The following ERO1B variants were observed in gnomAD, a reference collection of about 807,000 sequenced individuals.
ERO1B encodes endoplasmic reticulum oxidoreductase 1 beta.
A neutral mutation model predicts 75.3 loss-of-function variants in ERO1B; 49 were observed. The ratio of observed to expected loss-of-function variants is 0.65; its 90% CI spans 0.52 to 0.83. The LOEUF is 0.83. Ranked by LOEUF, ERO1B falls within the 40% of genes least tolerant of loss-of-function variation. ERO1B has a pLI of 0.00. For synonymous variants in ERO1B, 191 were observed against 192.9 expected (o/e 0.99, Z 0.08); for missense variants, 512 against 560.1 (o/e 0.91, Z 0.87).
intron 1 of ERO1B, among the ~76,000 whole-genome samples, chr1:236,281,055 C>T (rs561321663): frequency 6.6e-6 from 1 of 152,278 alleles, no homozygotes; most frequent in East Asian, 1.9e-4. Flanking sequence ...CCACTCAGAC[C>T]CCCCCAGTCT....
intron 4 of ERO1B, chr1:236,251,532 T>A: frequency 3.5e-6 from 3 of 862,788 alleles, no homozygotes; most frequent in Non-Finnish European, 4.2e-6. Context: ...AGAGAGAGGG[T>A]ATGATGATCT....
chr1:236,244,118 T>G (rs1347542089), intron 5 of ERO1B, among the ~76,000 whole-genome samples: 2 of 152,168 alleles, frequency 1.3e-5, no homozygotes, highest in Admixed American at 1.3e-4. Context: ...TACATTAACT[T>G]GAACCTATAT....
intron 2 of ERO1B, among the ~76,000 whole-genome samples, chr1:236,268,618 G>T (rs1665511486): frequency 6.6e-6 from 1 of 152,176 alleles, no homozygotes; most frequent in South Asian, 2.1e-4. Context: ...CGGGCGCGGT[G>T]GCTCACGCCT....
chr1:236,215,415 G>GC lies in ERO1B; in HGVS notation c.*3100dup, dbSNP rs1248638275. The GC allele has an allele frequency of 1.3e-5, 2 of 152,108 alleles. No homozygotes were observed. Among genetic ancestry groups the GC allele is most frequent in the Non-Finnish European group, 2.9e-5 (2 of 68,024 alleles). The allele number at this position is 152,108 out of a possible 1,614,324, so 9.4% of individuals were successfully genotyped here. A position where few individuals can be genotyped will look rare whatever the true frequency, so the allele number is the denominator to read the frequency against. ...TGTAAAAGCCCTTAATACAATGCCA[G>GC]CCAATGCTTGCCATTATGATAAGAA... On this transcript the variant is annotated 3_prime_UTR_variant, in exon 16 of 16. Transcript: ENST00000354619.
At chr1:236,268,504 G>T (rs1222581015) in intron 2 of ERO1B, among the ~76,000 whole-genome samples, 2 of 152,128 alleles carry the variant, frequency 1.3e-5, no homozygotes, top group Non-Finnish European at 2.9e-5. Context: ...CACATGGATA[G>T]ATAGATAGAT....
At chr1:236,272,146 A>G (rs537139892) in intron 1 of ERO1B, among the ~76,000 whole-genome samples, 1 of 152,332 alleles carries the variant, frequency 6.6e-6, no homozygotes, top group African/African-American at 2.4e-5. Flanking sequence ...AACAATATGG[A>G]GATTTATCAA....
intron 9 of ERO1B, among the ~76,000 whole-genome samples, chr1:236,230,944 G>C (rs1345248470): frequency 2.7e-5 from 4 of 149,696 alleles, no homozygotes; most frequent in Non-Finnish European, 5.9e-5. Flanking sequence ...AAAAAAAAAA[G>C]TATATAAATC....
chr1:236,225,223 T>A (rs1204904037), intron 12 of ERO1B, 84 bp from the exon 13 acceptor site: 11 of 1,267,110 alleles, frequency 8.7e-6, no homozygotes, highest in Non-Finnish European at 1.2e-5. Flanking sequence ...TTTTCTATCC[T>A]TATGAATATT....
chr1:236,270,050 T>A, intron 1 of ERO1B, 56 bp from the exon 2 acceptor site: 1 of 1,201,594 alleles, frequency 8.3e-7, no homozygotes, highest in Non-Finnish European at 1.2e-6. Context: ...CCTTAACAAA[T>A]CTACACTATT....
chr1:236,239,851 G>GTATATA (rs1192575122), intron 6 of ERO1B, among the ~76,000 whole-genome samples: 2 of 61,044 alleles, frequency 3.3e-5, no homozygotes, highest in African/African-American at 1.7e-4. Flanking sequence ...ATATATATGT[G>GTATATA]TATATATGTA....
intron 9 of ERO1B, 99 bp downstream of exon 9, chr1:236,232,729 G>A (rs969721516): frequency 1.1e-5 from 12 of 1,053,364 alleles, no homozygotes; most frequent in Non-Finnish European, 1.6e-5. Flanking sequence ...TAGAAAACAG[G>A]AATACTTTCT....
rs1373000256 is a variant in ERO1B, at chr1:236,281,803, G to A, written c.-20C>T. 1 of 1,411,784 alleles carries A rather than the reference G, an allele frequency of 7.1e-7. No homozygotes were observed. Among genetic ancestry groups the A allele is most frequent in the Non-Finnish European group, 9.3e-7 (1 of 1,073,512 alleles). 87.5% of individuals were successfully genotyped at this position (1,411,784 alleles called of 1,614,324 possible). On this transcript the variant is annotated 5_prime_UTR_variant, in exon 1 of 16. Transcript: ENST00000354619. ...GCTCATGCTGACCTCTACCCACACC[G>A]CGGCCAGCCGGACCCCTCGGGGCCG... is the stretch of plus-strand genomic sequence containing the variant.
At chr1:236,250,043 A>T in intron 4 of ERO1B, 76 bp from the exon 5 acceptor site, 4 of 926,766 alleles carry the variant, frequency 4.3e-6, no homozygotes, top group Non-Finnish European at 6.5e-6. Flanking sequence ...AGAATAATCA[A>T]TCTGTCAACA....
intron 8 of ERO1B, 129 bp downstream of exon 8, chr1:236,235,660 C>A: frequency 1.3e-6 from 1 of 789,552 alleles, no homozygotes; most frequent in Non-Finnish European, 2.0e-6. Flanking sequence ...ATGAACTAAT[C>A]TTACACTTTT....
chr1:236,240,382 C>T (rs557841250), intron 6 of ERO1B, among the ~76,000 whole-genome samples: 3 of 152,126 alleles, frequency 2.0e-5, no homozygotes, highest in East Asian at 1.9e-4. Context: ...CTCTTTGCTA[C>T]GGTCACAGAT....
intron 13 of ERO1B, among the ~76,000 whole-genome samples, chr1:236,222,309 C>T (rs2477588): frequency 0.47 from 71,184 of 151,732 alleles, 17,390 homozygotes; most frequent in East Asian, 0.88. Flanking sequence ...GACGGGGTTT[C>T]GCCATGTTGT....
intron 1 of ERO1B, among the ~76,000 whole-genome samples, chr1:236,279,843 C>CAAAAAAAAAAAAAAAAAAA: frequency 7.4e-6 from 1 of 135,288 alleles, no homozygotes; most frequent in Non-Finnish European, 1.6e-5. Context: ...GACACTATCT[C>CAAAAAAAAAAAAAAAAAAA]AAAAAAAAAA....
Position 236,281,730 on chromosome 1 carries a change from C to T in ERO1B, c.54G>A (p.Val18=), listed in dbSNP as rs1665835792. The T allele has an allele frequency of 1.3e-6, 2 of 1,517,264 alleles. No individual in the cohort carries two copies. Among genetic ancestry groups the T allele is most frequent in the Non-Finnish European group, 1.8e-6 (2 of 1,135,992 alleles). 94.0% of individuals were successfully genotyped at this position (1,517,264 alleles called of 1,614,324 possible). The part of the protein sequence containing the change: ...AGAGQGVAAA[V]QLLVTLSFLR... Reference sequence around the variant, plus strand: ...GGAAGCTCAGGGTGACCAGCAGCTGCACCGCGGCCGCTACCCCCTGCCCAG... The same window carrying T: ...GGAAGCTCAGGGTGACCAGCAGCTGTACCGCGGCCGCTACCCCCTGCCCAG... The change falls in exon 1 of 16, where the codon GTG becomes GTA. Residue 18 remains valine, a synonymous_variant. Transcript: ENST00000354619.
chr1:236,229,633 G>C (rs1276180084), intron 10 of ERO1B, among the ~76,000 whole-genome samples: 1 of 151,982 alleles, frequency 6.6e-6, no homozygotes, highest in Non-Finnish European at 1.5e-5. Flanking sequence ...ATTTTTAAAA[G>C]CATCATATAT....
Sources: allele counts gnomAD v4.1 joint callset (sites outside exome capture counted in the v4.1 genomes callset), GRCh38; gene constraint gnomAD v4.1.1; transcripts MANE v1.5; gene names NCBI Gene and HGNC (gene_info 2026-07-23, HGNC 2026-07-21).